The following TUSC1 variants were observed in gnomAD, a reference collection of about 807,000 sequenced individuals.
The protein encoded by TUSC1 is tumor suppressor candidate gene 1 protein.
Under a neutral mutation model 5.2 loss-of-function variants are expected in TUSC1, and 8 were observed. That is an observed-to-expected ratio of 1.54 (90% confidence interval 0.90 to 2.77). TUSC1 has a LOEUF of 2.77. Ranked by LOEUF, TUSC1 falls within the 30% of genes most tolerant of loss-of-function variation. The probability of loss-of-function intolerance (pLI) is 0.00; values close to 1 mark genes in which losing one functional copy is unlikely to be tolerated. For synonymous variants in TUSC1, 192 were observed against 144.2 expected (o/e 1.33, Z -2.37); for missense variants, 442 against 324.2 (o/e 1.36, Z -2.79).
In TUSC1 at chr9:25,678,360, G is replaced by T; in HGVS notation, c.-48C>A. ...CCAGCCCCGTGGGCTGAGGGGCCGC[G>T]CGGCCAGGCGCGGGCAAGTTCGGGG... is the stretch of plus-strand genomic sequence containing the variant. On this transcript the variant is annotated 5_prime_UTR_variant, in exon 1 of 1. Transcript: ENST00000358022. 1 of 1,345,956 alleles carries T rather than the reference G, an allele frequency of 7.4e-7. No homozygotes were observed. Among genetic ancestry groups the T allele is most frequent in the Non-Finnish European group, 9.6e-7 (1 of 1,045,236 alleles). The allele number at this position is 1,345,956 out of a possible 1,614,324, so 83.4% of individuals were successfully genotyped here.
Position 25,677,488 on chromosome 9 carries a change from G to A in TUSC1, c.*195C>T. ...CATGTGGGAGGTCCTGAGGGCCCTT[G>A]CACCCACTCGACCTCCACCAAGCGG... On this transcript the variant is annotated 3_prime_UTR_variant, in exon 1 of 1. Coordinates refer to ENST00000358022, the MANE Select transcript of TUSC1 (RefSeq NM_001004125.3). 9.3e-7 allele frequency: 1 copy of A among 1,074,776 alleles called. No homozygotes were observed. Among genetic ancestry groups the A allele is most frequent in the Non-Finnish European group, 1.3e-6 (1 of 773,688 alleles). 66.6% of individuals were successfully genotyped at this position (1,074,776 alleles called of 1,614,324 possible).
rs778067803 is a variant in TUSC1, at chr9:25,678,246, C to T, written c.67G>A (p.Gly23Ser). The T allele has an allele frequency of 2.8e-6, 4 of 1,418,328 alleles. No individual in the cohort carries two copies. Among genetic ancestry groups the T allele is most frequent in the Non-Finnish European group, 3.7e-6 (4 of 1,086,182 alleles). 87.9% of individuals were successfully genotyped at this position (1,418,328 alleles called of 1,614,324 possible). A position where few individuals can be genotyped will look rare whatever the true frequency, so the allele number is the denominator to read the frequency against. ...SCCGGDGAAD[G>S]RGPGRSGRAR... ...CGGCCGGAGCGGCCTGGCCCTCGGC[C>T]GTCCGCAGCACCGTCCCCGCCGCAG... Residue 23 changes from glycine to serine, a missense_variant, in exon 1 of 1, where the codon GGC becomes AGC. Physicochemically the swap from Gly to Ser is moderately conservative, Grantham distance 56. Transcript: ENST00000358022.
chr9:25,677,552 C>T lies in TUSC1; in HGVS notation c.*131G>A. On this transcript the variant is annotated 3_prime_UTR_variant, in exon 1 of 1. Coordinates refer to ENST00000358022, the MANE Select transcript of TUSC1 (RefSeq NM_001004125.3). ...ACCCGGAAGTGTCCACTGGTGGGGG[C>T]GGGAAGGCACCGTAGTCCAAGGTAT... 1 of 1,423,306 alleles carries T rather than the reference C, an allele frequency of 7.0e-7. No individual in the cohort carries two copies. Among genetic ancestry groups the T allele is most frequent in the Non-Finnish European group, 9.2e-7 (1 of 1,090,076 alleles). The allele number at this position is 1,423,306 out of a possible 1,614,324, so 88.2% of individuals were successfully genotyped here.
chr9:25,678,317 C>A lies in TUSC1; in HGVS notation c.-5G>T. ...GCCACCACGCATGCGCCACATCGGT[C>A]CCATCCCAACCGCGCCGCCAGCCCC... On this transcript the variant is annotated 5_prime_UTR_variant, in exon 1 of 1. Transcript: ENST00000358022. 3 of 1,444,266 alleles carry A rather than the reference C, an allele frequency of 2.1e-6. No homozygotes were observed. Among genetic ancestry groups the A allele is most frequent in the Non-Finnish European group, 2.7e-6 (3 of 1,098,626 alleles). The allele number at this position is 1,444,266 out of a possible 1,614,324, so 89.5% of individuals were successfully genotyped here. A position where few individuals can be genotyped will look rare whatever the true frequency, so the allele number is the denominator to read the frequency against.
rs773702120 is a variant in TUSC1 at position 25,678,170 on chromosome 9, C to T, written c.143G>A (p.Arg48Gln). Residue 48 changes from arginine to glutamine, a missense_variant, in exon 1 of 1, where the codon CGA (arginine) becomes CAA (glutamine). Transcript: ENST00000358022. ...CTGTCGGGCGCCGTCCGCGCGGCCT[C>T]GCCAGCCCACGCCGCCGCCGCCGCC... ...PSGGGGGVGWRGRADGARQQL... is the reference protein window; with the variant it reads ...PSGGGGGVGWQGRADGARQQL... 1 of 1,397,936 alleles carries T rather than the reference C, an allele frequency of 7.2e-7. No homozygotes were observed. Among genetic ancestry groups the T allele is most frequent in the African/African-American group, 1.5e-5 (1 of 65,462 alleles). The allele number at this position is 1,397,936 out of a possible 1,614,324, so 86.6% of individuals were successfully genotyped here.
At position 25,677,998 on chromosome 9, in the gene TUSC1, G is replaced by A; in HGVS notation, c.315C>T (p.Arg105=). 6.4e-7 allele frequency: 1 copy of A among 1,555,744 alleles called. No homozygotes were observed. The highest frequency in any genetic ancestry group is 8.6e-7 in the Non-Finnish European group (1 of 1,156,724). The part of the protein sequence containing the change: ...LENRRLKREN[R]SLFRQALRLP... Reference sequence around the variant, plus strand: ...GCCGCAAAGCCTGACGGAAGAGGCTGCGGTTCTCGCGCTTCAGCCGCCGGT... The same window carrying A: ...GCCGCAAAGCCTGACGGAAGAGGCTACGGTTCTCGCGCTTCAGCCGCCGGT... Residue 105 remains arginine, a synonymous_variant, in exon 1 of 1, where the codon CGC becomes CGT. Coordinates refer to ENST00000358022, the MANE Select transcript of TUSC1 (RefSeq NM_001004125.3).
chr9:25,677,934 G>C lies in TUSC1; in HGVS notation c.379C>G (p.Arg127Gly), dbSNP rs749351238. The change falls in exon 1 of 1, where the codon CGC (arginine) becomes GGC (glycine). Residue 127 changes from arginine (R) to glycine (G), a missense_variant. Coordinates refer to ENST00000358022, the MANE Select transcript of TUSC1 (RefSeq NM_001004125.3). ...GTGCTGGCCTCTTCAGGGACCCGGC[G>C]TGCCTCCGCGGGCGTCCCGTTGCCG... is the stretch of plus-strand genomic sequence containing the variant. ...EGGNGTPAEARRVPEEASTNR... is the reference protein window; with the variant it reads ...EGGNGTPAEAGRVPEEASTNR... The C allele has an allele frequency of 3.8e-5, 60 of 1,559,244 alleles. No individual in the cohort carries two copies. Among genetic ancestry groups the C allele is most frequent in the Non-Finnish European group, 4.8e-5 (56 of 1,156,490 alleles).
rs1819099515 is a variant in TUSC1, at chr9:25,678,412, G to T, written c.-100C>A. The stretch of plus-strand genomic sequence containing the variant: ...TGGCAGGGCGGCCGGGGTGACGACG[G>T]AGGAGGAGAGGAGGTCGCGGGCGGC... On this transcript the variant is annotated 5_prime_UTR_variant, in exon 1 of 1. Coordinates refer to ENST00000358022, the MANE Select transcript of TUSC1 (RefSeq NM_001004125.3). 2 of 1,096,784 alleles carry T rather than the reference G, an allele frequency of 1.8e-6. No homozygotes were observed. Among genetic ancestry groups the T allele is most frequent in the Non-Finnish European group, 2.3e-6 (2 of 856,806 alleles). 67.9% of individuals were successfully genotyped at this position (1,096,784 alleles called of 1,614,324 possible).
In TUSC1 at chr9:25,678,098, G is replaced by A; in HGVS notation, c.215C>T (p.Ala72Val). ...FADLAASHLE[A>V]IRARDEWDRQ... ...GTCCCACTCGTCCCGCGCACGGATG[G>A]CCTCCAAGTGGCTCGCCGCCAGGTC... Residue 72 changes from alanine to valine, a missense_variant, in exon 1 of 1, where the codon GCC (alanine) becomes GTC (valine). Coordinates refer to ENST00000358022, the MANE Select transcript of TUSC1 (RefSeq NM_001004125.3). 6.3e-7 allele frequency: 1 copy of A among 1,577,916 alleles called. No homozygotes were observed.
Position 25,677,476 on chromosome 9 carries a change from C to T in TUSC1, c.*207G>A, listed in dbSNP as rs1819061481. On this transcript the variant is annotated 3_prime_UTR_variant, in exon 1 of 1. Transcript: ENST00000358022. The stretch of plus-strand genomic sequence containing the variant: ...AGGGGAACTGTACATGTGGGAGGTC[C>T]TGAGGGCCCTTGCACCCACTCGACC... 1.1e-6 allele frequency: 1 copy of T among 934,576 alleles called. No individual in the cohort carries two copies. The highest frequency in any genetic ancestry group is 1.5e-6 in the Non-Finnish European group (1 of 648,662). 57.9% of individuals were successfully genotyped at this position (934,576 alleles called of 1,614,324 possible).
In TUSC1 at chr9:25,677,433, C is replaced by G. The variant is rs1183184026; in HGVS notation, c.*250G>C. The G allele has an allele frequency of 1.2e-5, 7 of 575,434 alleles. No individual in the cohort carries two copies. The highest frequency in any genetic ancestry group is 1.7e-5 in the Non-Finnish European group (6 of 358,384). 35.6% of individuals were successfully genotyped at this position (575,434 alleles called of 1,614,324 possible). A position where few individuals can be genotyped will look rare whatever the true frequency, so the allele number is the denominator to read the frequency against. On this transcript the variant is annotated 3_prime_UTR_variant, in exon 1 of 1. Coordinates refer to ENST00000358022, the MANE Select transcript of TUSC1 (RefSeq NM_001004125.3). ...TTGGCTAGGCCTCTCTCCAGGGAAACTAGCCGGGGCAAGAGGCAGGGGAAC... is the reference window on the plus strand; with the variant it reads ...TTGGCTAGGCCTCTCTCCAGGGAAAGTAGCCGGGGCAAGAGGCAGGGGAAC...
Position 25,678,354 on chromosome 9 carries a change from G to A in TUSC1, c.-42C>T. The stretch of plus-strand genomic sequence containing the variant: ...GCGCCGCCAGCCCCGTGGGCTGAGG[G>A]GCCGCGCGGCCAGGCGCGGGCAAGT... On this transcript the variant is annotated 5_prime_UTR_variant, in exon 1 of 1. Transcript: ENST00000358022. 2.2e-6 allele frequency: 3 copies of A among 1,354,380 alleles called. No homozygotes were observed. Among genetic ancestry groups the A allele is most frequent in the South Asian group, 1.7e-5 (1 of 58,134 alleles). 83.9% of individuals were successfully genotyped at this position (1,354,380 alleles called of 1,614,324 possible).
chr9:25,678,339 C>A lies in TUSC1; in HGVS notation c.-27G>T. 5 of 1,392,390 alleles carry A rather than the reference C, an allele frequency of 3.6e-6. No homozygotes were observed. The highest frequency in any genetic ancestry group is 4.7e-6 in the Non-Finnish European group (5 of 1,074,484). 86.3% of individuals were successfully genotyped at this position (1,392,390 alleles called of 1,614,324 possible). On this transcript the variant is annotated 5_prime_UTR_variant, in exon 1 of 1. Coordinates refer to ENST00000358022, the MANE Select transcript of TUSC1 (RefSeq NM_001004125.3). Reference sequence around the variant, plus strand: ...GGTCCCATCCCAACCGCGCCGCCAGCCCCGTGGGCTGAGGGGCCGCGCGGC... The same window carrying A: ...GGTCCCATCCCAACCGCGCCGCCAGACCCGTGGGCTGAGGGGCCGCGCGGC...
Position 25,677,559 on chromosome 9 carries a change from G to C in TUSC1, c.*124C>G. ...AGTGTCCACTGGTGGGGGCGGGAAG[G>C]CACCGTAGTCCAAGGTATCCGCGGG... On this transcript the variant is annotated 3_prime_UTR_variant, in exon 1 of 1. Coordinates refer to ENST00000358022, the MANE Select transcript of TUSC1 (RefSeq NM_001004125.3). 1 of 1,429,336 alleles carries C rather than the reference G, an allele frequency of 7.0e-7. No individual in the cohort carries two copies. Among genetic ancestry groups the C allele is most frequent in the Non-Finnish European group, 9.1e-7 (1 of 1,095,288 alleles). The allele number at this position is 1,429,336 out of a possible 1,614,324, so 88.5% of individuals were successfully genotyped here.
In TUSC1 at chr9:25,677,766, C is replaced by G. The variant is rs756909069; in HGVS notation, c.547G>C (p.Gly183Arg). 5.1e-6 allele frequency: 8 copies of G among 1,580,988 alleles called. No homozygotes were observed. In the Admixed American group the frequency reaches 8.9e-5, roughly 18 times the overall value. ...HLEQRGPRPSGDKEEQPLQEP... is the reference protein window; with the variant it reads ...HLEQRGPRPSRDKEEQPLQEP... Reference sequence around the variant, plus strand: ...TGTAGAGGCTGCTCCTCCTTGTCCCCGCTCGGACGTGGTCCCCGCTGCTCG... The same window carrying G: ...TGTAGAGGCTGCTCCTCCTTGTCCCGGCTCGGACGTGGTCCCCGCTGCTCG... The change falls in exon 1 of 1, where the codon GGG becomes CGG. Residue 183 changes from glycine to arginine, a missense_variant. Physicochemically the swap from Gly to Arg is moderately radical, Grantham distance 125. Transcript: ENST00000358022.
rs1234613538 is a variant in TUSC1 at position 25,677,813 on chromosome 9, C to G, written c.500G>C (p.Arg167Pro). 1.9e-6 allele frequency: 3 copies of G among 1,593,590 alleles called. No homozygotes were observed. The highest frequency in any genetic ancestry group is 1.1e-5 in the South Asian group (1 of 88,244). ...CTCGAGGTGCAGCTGCAGCAGGGCC[C>G]GGCGGTACATGGCTTCCAGCTTCTC... ...RLEKLEAMYR[R>P]ALLQLHLEQR... The change falls in exon 1 of 1, where the codon CGG becomes CCG. Residue 167 changes from arginine (R) to proline (P), a missense_variant. By Grantham distance (103) the Arg-to-Pro change is moderately radical (BLOSUM62 -2). Coordinates refer to ENST00000358022, the MANE Select transcript of TUSC1 (RefSeq NM_001004125.3).
chr9:25,677,531 G>A lies in TUSC1; in HGVS notation c.*152C>T, dbSNP rs1381740476. On this transcript the variant is annotated 3_prime_UTR_variant, in exon 1 of 1. Coordinates refer to ENST00000358022, the MANE Select transcript of TUSC1 (RefSeq NM_001004125.3). Reference sequence around the variant, plus strand: ...CCAAGCGGATGGCCAAGCGCCACCCGGAAGTGTCCACTGGTGGGGGCGGGA... The same window carrying A: ...CCAAGCGGATGGCCAAGCGCCACCCAGAAGTGTCCACTGGTGGGGGCGGGA... The A allele has an allele frequency of 7.9e-6, 11 of 1,391,654 alleles. No homozygotes were observed. The highest frequency in any genetic ancestry group is 1.5e-5 in the African/African-American group (1 of 68,810). 86.2% of individuals were successfully genotyped at this position (1,391,654 alleles called of 1,614,324 possible).
Position 25,677,511 on chromosome 9 carries a change from C to G in TUSC1, c.*172G>C. 1 of 1,303,308 alleles carries G rather than the reference C, an allele frequency of 7.7e-7. No individual in the cohort carries two copies. The highest frequency in any genetic ancestry group is 1.0e-6 in the Non-Finnish European group (1 of 981,752). 80.7% of individuals were successfully genotyped at this position (1,303,308 alleles called of 1,614,324 possible). A position where few individuals can be genotyped will look rare whatever the true frequency, so the allele number is the denominator to read the frequency against. Reference sequence around the variant, plus strand: ...TTGCACCCACTCGACCTCCACCAAGCGGATGGCCAAGCGCCACCCGGAAGT... The same window carrying G: ...TTGCACCCACTCGACCTCCACCAAGGGGATGGCCAAGCGCCACCCGGAAGT... On this transcript the variant is annotated 3_prime_UTR_variant, in exon 1 of 1. Coordinates refer to ENST00000358022, the MANE Select transcript of TUSC1 (RefSeq NM_001004125.3).
At position 25,677,660 on chromosome 9, in the gene TUSC1, C is replaced by T. The variant is rs1563900952; in HGVS notation, c.*23G>A. 2.0e-6 allele frequency: 3 copies of T among 1,485,874 alleles called. No homozygotes were observed. The highest frequency in any genetic ancestry group is 1.4e-5 in the African/African-American group (1 of 71,052). 92.0% of individuals were successfully genotyped at this position (1,485,874 alleles called of 1,614,324 possible). A position where few individuals can be genotyped will look rare whatever the true frequency, so the allele number is the denominator to read the frequency against. ...GAGGAGGGGCCCGCTCGAGGCTCCG[C>T]CTCTCACCGGCTGCGGCCTCGGCTA... On this transcript the variant is annotated 3_prime_UTR_variant, in exon 1 of 1. Transcript: ENST00000358022.
Sources: allele counts gnomAD v4.1 joint callset, GRCh38; gene constraint gnomAD v4.1.1; transcripts MANE v1.5; gene names NCBI Gene and HGNC (gene_info 2026-07-23, HGNC 2026-07-21).